Variants in CSMD3 observed in about 807,000 individuals in gnomAD.
CSMD3 encodes the protein CUB and sushi domain-containing protein 3.
In CSMD3, 177 loss-of-function variants were observed where a neutral mutation model predicts 435.2. The ratio of observed to expected loss-of-function variants is 0.41; its 90% CI spans 0.36 to 0.46. The LOEUF is 0.46. CSMD3 is among the 20% of genes least tolerant of loss of function. CSMD3 has a pLI of 0.34. For missense variants in CSMD3, 4,265 were observed against 4,504.6 expected (o/e 0.95, Z 1.52); for synonymous variants, 1,656 against 1,520.5 (o/e 1.09, Z -2.07).
chr8:113,359,768 C>T (rs534585171), intron 1 of CSMD3, among the ~76,000 whole-genome samples: 2 of 152,300 alleles, frequency 1.3e-5, no homozygotes, highest in East Asian at 1.9e-4. Flanking sequence ...TTTAATTTTA[C>T]ATTCTGTATT....
intron 38 of CSMD3, among the ~76,000 whole-genome samples, chr8:112,379,837 A>AGAT (rs1829307544): frequency 6.6e-6 from 1 of 152,220 alleles, no homozygotes; most frequent in South Asian, 2.1e-4. Context: ...AAGGACATCC[A>AGAT]GATGAACCTG....
chr8:112,438,761 A>G (rs1471819237), intron 32 of CSMD3, among the ~76,000 whole-genome samples: 1 of 152,222 alleles, frequency 6.6e-6, no homozygotes, highest in African/African-American at 2.4e-5. Context: ...GGAAAGACTC[A>G]TAAAAGGGTA....
intron 3 of CSMD3, among the ~76,000 whole-genome samples, chr8:113,241,053 T>C (rs1252404250): frequency 6.6e-6 from 1 of 152,160 alleles, no homozygotes; most frequent in Non-Finnish European, 1.5e-5. Flanking sequence ...GATATTGTTT[T>C]GCTTTTTTTG....
At chr8:113,283,653 C>T (rs2093627180) in intron 2 of CSMD3, among the ~76,000 whole-genome samples, 2 of 152,072 alleles carry the variant, frequency 1.3e-5, no homozygotes, top group Non-Finnish European at 2.9e-5. Flanking sequence ...ATTATAACTA[C>T]TATGAAAAAC....
intron 13 of CSMD3, among the ~76,000 whole-genome samples, chr8:112,754,477 GA>G (rs60897217): frequency 1.0e-4 from 15 of 147,792 alleles, no homozygotes; most frequent in East Asian, 3.9e-4. Flanking sequence ...TGTTTTTTAG[GA>G]AAAAAAAAAT....
intron 1 of CSMD3, among the ~76,000 whole-genome samples, chr8:113,380,265 C>A (rs1293042486): frequency 6.6e-6 from 1 of 152,068 alleles, no homozygotes; most frequent in Non-Finnish European, 1.5e-5. Context: ...TTATAACATT[C>A]TAATTTAACA....
At chr8:112,975,117 A>G (rs886170689) in intron 7 of CSMD3, among the ~76,000 whole-genome samples, 3 of 151,860 alleles carry the variant, frequency 2.0e-5, no homozygotes, top group Non-Finnish European at 4.4e-5. Context: ...AGACTTCCTT[A>G]TTTTGTAAAA....
At chr8:112,763,541 C>A (rs375521584) in intron 13 of CSMD3, among the ~76,000 whole-genome samples, 4 of 147,728 alleles carry the variant, frequency 2.7e-5, no homozygotes, top group African/African-American at 1.0e-4. Context: ...AATATTTGAA[C>A]ATTTTCATTT....
intron 31 of CSMD3, among the ~76,000 whole-genome samples, chr8:112,483,096 A>G (rs7832966): frequency 1.2e-3 from 176 of 152,300 alleles, no homozygotes; most frequent in Admixed American, 3.9e-3. Context: ...ATATCTTGCT[A>G]TTGACTAAAT....
At chr8:112,340,111 G>C (rs1563811326) in intron 42 of CSMD3, among the ~76,000 whole-genome samples, 1 of 152,172 alleles carries the variant, frequency 6.6e-6, no homozygotes, top group Non-Finnish European at 1.5e-5. Context: ...AAAAAAACAG[G>C]TTTAGTCTGT....
At chr8:113,158,379 A>T (rs2091974121) in intron 4 of CSMD3, among the ~76,000 whole-genome samples, 1 of 152,102 alleles carries the variant, frequency 6.6e-6, no homozygotes. Context: ...AAGTACATGT[A>T]TCATAAGGGA....
chr8:112,478,600 C>T (rs72676623), intron 31 of CSMD3, among the ~76,000 whole-genome samples: 28,157 of 152,086 alleles, frequency 0.19, 3,203 homozygotes, highest in Middle Eastern at 0.36. Flanking sequence ...GAAGAAATTT[C>T]TAAGCAGCAA....
chr8:112,281,336 T>C lies in CSMD3; in HGVS notation c.9346A>G (p.Asn3116Asp). ...TTCCCATTGGCTGTGGTTCCTGGGT[T>C]ACCACACTGCACAGCTATAAAACAA... The part of the protein sequence containing the change: ...QPECKAVQCG[N>D]PGTTANGKVF... The change falls in exon 59 of 71, where the codon AAC becomes GAC. Residue 3116 changes from asparagine to aspartate, a missense_variant. Coordinates refer to ENST00000297405, the MANE Select transcript of CSMD3 (RefSeq NM_198123.2). 3 of 1,612,486 alleles carry C rather than the reference T, an allele frequency of 1.9e-6. No individual in the cohort carries two copies. In the East Asian group the frequency reaches 6.7e-5, roughly 36 times the overall value.
intron 32 of CSMD3, among the ~76,000 whole-genome samples, chr8:112,410,652 G>GTATATATATGTATATATATGTGTA (rs1832307509): frequency 2.7e-5 from 1 of 36,598 alleles, no homozygotes; most frequent in African/African-American, 1.2e-4. Flanking sequence ...ATATATATGT[G>GTATATATATGTATATATATGTGTA]TATATATATG....
chr8:112,947,986 TA>T (rs1179427106), intron 8 of CSMD3, 109 bp from the exon 9 acceptor site: 2 of 621,110 alleles, frequency 3.2e-6, no homozygotes, highest in East Asian at 5.7e-5. Context: ...TTTGTCACTA[TA>T]ATCACTGTCA....
In CSMD3 at chr8:112,535,703, C is replaced by T. The variant is rs563322579; in HGVS notation, c.4564+14968G>A. The stretch of plus-strand genomic sequence containing the variant: ...GTTCATATGGAACCAAAAAAGAGCC[C>T]GCATCGCCAAGTCGATCCTAAGCCA... On this transcript the variant is annotated intron_variant, in intron 27 of 70. Transcript: ENST00000297405. Among the ~76,000 whole-genome samples, 365 of 151,728 alleles carry T rather than the reference C, an allele frequency of 2.4e-3. 2 individuals are homozygous for T. The highest frequency in any genetic ancestry group is 8.5e-3 in the African/African-American group (353 of 41,314).
At chr8:113,174,825 T>C (rs2092323560) in intron 3 of CSMD3, among the ~76,000 whole-genome samples, 1 of 151,860 alleles carries the variant, frequency 6.6e-6, no homozygotes, top group South Asian at 2.1e-4. Context: ...ATTAATGAAC[T>C]AAAAGATATT....
chr8:112,973,623 T>G (rs914296517), intron 7 of CSMD3, among the ~76,000 whole-genome samples: 1 of 151,932 alleles, frequency 6.6e-6, no homozygotes, highest in African/African-American at 2.4e-5. Context: ...TTGGACCTGC[T>G]GGTAATCAAG....
At chr8:112,436,244 G>C (rs1028304724) in intron 32 of CSMD3, among the ~76,000 whole-genome samples, 1 of 151,728 alleles carries the variant, frequency 6.6e-6, no homozygotes, top group Non-Finnish European at 1.5e-5. Context: ...AAAAAGACAT[G>C]TGTGCAACTA....
Sources: allele counts gnomAD v4.1 joint callset (sites outside exome capture counted in the v4.1 genomes callset), GRCh38; gene constraint gnomAD v4.1.1; transcripts MANE v1.5; gene names NCBI Gene and HGNC (gene_info 2026-07-23, HGNC 2026-07-21).